The following PLCH1 variants were observed in gnomAD, a reference collection of about 807,000 sequenced individuals.
PLCH1 encodes the protein 1-phosphatidylinositol 4,5-bisphosphate phosphodiesterase eta-1.
A neutral mutation model predicts 126.7 loss-of-function variants in PLCH1; 60 were observed. The ratio of observed to expected loss-of-function variants is 0.47; its 90% CI spans 0.38 to 0.59. The LOEUF (loss-of-function observed/expected upper bound fraction) is 0.59, where lower values mean the gene tolerates loss of function less well. Ranked by LOEUF, PLCH1 falls within the 20% of genes least tolerant of loss-of-function variation. PLCH1 has a pLI of 0.00. For synonymous variants in PLCH1, 719 were observed against 734.9 expected (o/e 0.98, Z 0.35); for missense variants, 1,723 against 2,040.0 (o/e 0.84, Z 2.99).
At chr3:155,643,483 A>G (rs370405795) in intron 2 of PLCH1, among the ~76,000 whole-genome samples, 21 of 152,360 alleles carry the variant, frequency 1.4e-4, no homozygotes, top group Admixed American at 1.0e-3. Context: ...CACAGAAACT[A>G]TAAGTGATAA....
At chr3:155,738,582 G>C (rs1028404225) in intron 1 of PLCH1, among the ~76,000 whole-genome samples, 19 of 152,184 alleles carry the variant, frequency 1.2e-4, no homozygotes, top group Admixed American at 1.2e-3. Flanking sequence ...AGGAGATCAA[G>C]ACCAGCCTGG....
At position 155,481,389 on chromosome 3, in the gene PLCH1, T is replaced by C. The variant is rs1232868135; in HGVS notation, c.4637A>G (p.Gln1546Arg). ...EQLRKLVSFD[Q>R]EDNCQVLYSK... ...ATATAGCACTTGGCAGTTGTCTTCCTGGTCAAAGGACACAAGCTTCCGAAG... is the reference window on the plus strand; with the variant it reads ...ATATAGCACTTGGCAGTTGTCTTCCCGGTCAAAGGACACAAGCTTCCGAAG... The change falls in exon 23 of 23, where the codon CAG (glutamine) becomes CGG (arginine). Residue 1546 changes from glutamine (Q) to arginine (R), a missense_variant. Gln to Arg is a conservative substitution (Grantham distance 43). Coordinates refer to ENST00000460012, the MANE Select transcript of PLCH1 (RefSeq NM_014996.4). This position sits in a 1 kb window ranked among gnomAD's most constrained non-coding sequence, Gnocchi z 4.2. 3 of 1,614,224 alleles carry C rather than the reference T, an allele frequency of 1.9e-6. No individual in the cohort carries two copies. The highest frequency in any genetic ancestry group is 3.3e-5 in the Admixed American group (2 of 60,032).
At chr3:155,473,193 C>T (rs1395858101) in intron 21 of PLCH1, among the ~76,000 whole-genome samples, 1 of 150,794 alleles carries the variant, frequency 6.6e-6, no homozygotes, top group East Asian at 1.9e-4. Flanking sequence ...TTGTCTCAGC[C>T]CAAAATCTCC....
At position 155,603,151 on chromosome 3, in the gene PLCH1, C is replaced by CA. The variant is rs766671212; in HGVS notation, c.80-6774dup. Among the ~76,000 whole-genome samples, 277 of 108,740 alleles carry CA rather than the reference C, an allele frequency of 2.5e-3. 2 individuals carry two copies. Among genetic ancestry groups the CA allele is most frequent in the Non-Finnish European group, 4.3e-3 (176 of 41,126 alleles). The allele number at this position is 108,740 out of a possible 152,430, so 71.3% of individuals were successfully genotyped here. A position where few individuals can be genotyped will look rare whatever the true frequency, so the allele number is the denominator to read the frequency against. On this transcript the variant is annotated intron_variant, in intron 2 of 22. Transcript: ENST00000460012. ...TTAGCAGGCACAAAAACAACAACAA[C>CA]AAAAAAAAAAGTCCAGGTCCTTTGC...
At chr3:155,725,885 C>T (rs900388034) in intron 1 of PLCH1, among the ~76,000 whole-genome samples, 1 of 152,182 alleles carries the variant, frequency 6.6e-6, no homozygotes, top group Non-Finnish European at 1.5e-5. Context: ...CTATTCTCTA[C>T]TTTTTTCTCA....
downstream of PLCH1, among the ~76,000 whole-genome samples, chr3:155,477,058 G>A (rs1482585319): frequency 6.6e-6 from 1 of 152,040 alleles, no homozygotes; most frequent in African/African-American, 2.4e-5. Flanking sequence ...CAGACACACA[G>A]ATCAATGGAA....
At chr3:155,618,279 G>A (rs1736032785) in intron 2 of PLCH1, among the ~76,000 whole-genome samples, 2 of 151,810 alleles carry the variant, frequency 1.3e-5, no homozygotes, top group Admixed American at 6.6e-5. Context: ...AATCTTTTCT[G>A]GATTACAAGT....
intron 10 of PLCH1, among the ~76,000 whole-genome samples, chr3:155,537,223 A>AAAAAAAAAAAAAAAAAAAAC (rs1723543591): frequency 9.3e-5 from 1 of 10,782 alleles, no homozygotes. Flanking sequence ...AAAAAAAAAA[A>AAAAAAAAAAAAAAAAAAAAC]AAAAAAAAAA....
At chr3:155,613,218 C>G (rs1254555260) in intron 2 of PLCH1, among the ~76,000 whole-genome samples, 2 of 152,056 alleles carry the variant, frequency 1.3e-5, no homozygotes, top group Non-Finnish European at 2.9e-5. Context: ...TTCTATCAGA[C>G]ATTCAAAGAA....
chr3:155,453,039 TAGTG>T (rs1712347792), intron 21 of PLCH1, among the ~76,000 whole-genome samples: 1 of 152,166 alleles, frequency 6.6e-6, no homozygotes, highest in African/African-American at 2.4e-5. Context: ...ATGCTGGTGA[TAGTG>T]AGCCCCTAAA....
intron 2 of PLCH1, among the ~76,000 whole-genome samples, chr3:155,691,588 G>C (rs551642380): frequency 5.9e-5 from 9 of 152,176 alleles, no homozygotes; most frequent in Non-Finnish European, 1.2e-4. Flanking sequence ...GATATCTACA[G>C]GGACTGACAC....
Position 155,482,337 on chromosome 3 carries a change from A to G in PLCH1, c.3689T>C (p.Ile1230Thr), listed in dbSNP as rs1306059370. The change falls in exon 23 of 23, where the codon ATC (isoleucine) becomes ACC (threonine). Residue 1230 changes from isoleucine to threonine, a missense_variant. By Grantham distance (89) the Ile-to-Thr change is moderately conservative. Around this residue, in one of 2 missense-constraint regions of PLCH1, gnomAD observed 947 missense variants for 977.1 expected, o/e 0.97. Coordinates refer to ENST00000460012, the MANE Select transcript of PLCH1 (RefSeq NM_014996.4). ...TTTTCCCTTGCAAAAACCATGCTTGATGGGCATTTTTAGGCCCAGGCTAGG... is the reference window on the plus strand; with the variant it reads ...TTTTCCCTTGCAAAAACCATGCTTGGTGGGCATTTTTAGGCCCAGGCTAGG... ...PLPSLGLKMP[I>T]KHGFCKGKSK... 1.9e-6 allele frequency: 3 copies of G among 1,614,054 alleles called. No homozygotes were observed. The East Asian group carries it at 6.7e-5, about 36-fold the overall frequency.
chr3:155,687,186 T>C (rs528748367), intron 2 of PLCH1, among the ~76,000 whole-genome samples: 8 of 152,208 alleles, frequency 5.3e-5, no homozygotes, highest in Admixed American at 4.6e-4. Flanking sequence ...AATTTATCAA[T>C]GAGAGAAATA....
intron 4 of PLCH1, among the ~76,000 whole-genome samples, chr3:155,590,470 C>T (rs977500440): frequency 6.6e-6 from 1 of 151,252 alleles, no homozygotes; most frequent in Non-Finnish European, 1.5e-5. Context: ...CCCAGCTACT[C>T]GGGAGGCTGA....
At chr3:155,717,063 A>G (rs1319203383) in intron 1 of PLCH1, among the ~76,000 whole-genome samples, 2 of 152,250 alleles carry the variant, frequency 1.3e-5, no homozygotes, top group Non-Finnish European at 2.9e-5. Flanking sequence ...GGCCCCATGC[A>G]AGCTCAAAAC....
chr3:155,469,441 G>C (rs536539450), intron 21 of PLCH1, among the ~76,000 whole-genome samples: 3 of 152,238 alleles, frequency 2.0e-5, no homozygotes, highest in East Asian at 3.9e-4. Flanking sequence ...ATGGAGTCTC[G>C]CTGATTGCTA....
At chr3:155,514,033 C>A (rs1423742179) in intron 12 of PLCH1, among the ~76,000 whole-genome samples, 3 of 152,138 alleles carry the variant, frequency 2.0e-5, no homozygotes, top group Non-Finnish European at 4.4e-5. Flanking sequence ...ACAGGAGAAC[C>A]AGACTTGAGA....
At chr3:155,502,932 T>C (rs1277582183) in intron 13 of PLCH1, among the ~76,000 whole-genome samples, 1 of 152,234 alleles carries the variant, frequency 6.6e-6, no homozygotes, top group African/African-American at 2.4e-5. Context: ...ATTCTAAATA[T>C]GACATTCCTT....
chr3:155,482,046 G>A lies in PLCH1; in HGVS notation c.3980C>T (p.Ser1327Phe), dbSNP rs1714160752. The part of the protein sequence containing the change: ...WETLKSCSPA[S>F]SPDLTLEDVI... ...ATCCTCCAGGGTCAAATCAGGGGAA[G>A]AGGCAGGGCTGCAGCTCTTCAGTGT... The change falls in exon 23 of 23, where the codon TCT (serine) becomes TTT (phenylalanine). Residue 1327 changes from serine (S) to phenylalanine (F), a missense_variant. By Grantham distance (155) the Ser-to-Phe change is radical. Transcript: ENST00000460012. 1.2e-6 allele frequency: 2 copies of A among 1,614,066 alleles called. No individual in the cohort carries two copies. Among genetic ancestry groups the A allele is most frequent in the East Asian group, 2.2e-5 (1 of 44,890 alleles).
Sources: gnomAD v4.1 joint callset for allele counts (sites outside exome capture counted in the v4.1 genomes callset) on GRCh38, gnomAD v4.1.1 for gene constraint, gnomAD v4.1.1 regional missense constraint, Gnocchi (gnomAD v3.1) non-coding constraint, MANE v1.5 for transcripts, NCBI Gene and HGNC (gene_info 2026-07-23, HGNC 2026-07-21) for gene names.